The following MYOF variants were observed in gnomAD, a reference collection of about 807,000 sequenced individuals.
The protein encoded by MYOF is myoferlin, also known as fer-1-like 3, myoferlin.
MYOF carries 244 observed loss-of-function variants against 284.2 expected under a neutral mutation model. The observed-to-expected ratio is 0.86, with a 90% CI of 0.77 to 0.95. The LOEUF (loss-of-function observed/expected upper bound fraction) is 0.95, where lower values mean the gene tolerates loss of function less well. Ranked by LOEUF, MYOF falls within the 40% of genes least tolerant of loss-of-function variation. The pLI is 0.00. For missense variants in MYOF, 2,496 were observed against 2,560.6 expected (o/e 0.97, Z 0.54); for synonymous variants, 904 against 919.7 (o/e 0.98, Z 0.31).
rs201492572 is a variant in MYOF, at chr10:93,431,412, G to C, written c.341C>G (p.Thr114Ser). 6 of 1,613,432 alleles carry C rather than the reference G, an allele frequency of 3.7e-6. No homozygotes were observed. The South Asian group carries it at 6.6e-5, about 18-fold the overall frequency. ...AATAAGAGAGAAAACACTCACCCCA[G>C]TATCTTGCCCTTTTTCATTTAGCAG... ...ISLLNEKGQDTGATIDLVIGY... is the reference protein window; with the variant it reads ...ISLLNEKGQDSGATIDLVIGY... Residue 114 changes from threonine to serine, a missense_variant, in exon 4 of 54, where the codon ACT becomes AGT. Physicochemically the swap from Thr to Ser is moderately conservative, Grantham distance 58. This residue lies in a region of MYOF where 2,436 missense variants were observed against 2,480.7 expected (regional missense o/e 0.98). Coordinates refer to ENST00000359263, the MANE Select transcript of MYOF (RefSeq NM_013451.4).
intron 45 of MYOF, 93 bp downstream of exon 45, chr10:93,328,670 G>A: frequency 7.6e-7 from 1 of 1,313,498 alleles, no homozygotes; most frequent in Non-Finnish European, 1.1e-6. Flanking sequence ...TATAATTAGG[G>A]TACTGGCTCT....
intron 53 of MYOF, among the ~76,000 whole-genome samples, chr10:93,308,187 G>A (rs1406313785): frequency 6.6e-6 from 1 of 151,296 alleles, no homozygotes; most frequent in African/African-American, 2.4e-5. Flanking sequence ...AGGTTGCAGT[G>A]AGCCAAGATT....
At chr10:93,457,189 G>T (rs1167866867) in intron 1 of MYOF, among the ~76,000 whole-genome samples, 1 of 152,160 alleles carries the variant, frequency 6.6e-6, no homozygotes, top group Non-Finnish European at 1.5e-5. Flanking sequence ...TCTCACCAAG[G>T]CTACCCAGAG....
At chr10:93,378,691 GTGTATA>G (rs970006072) in intron 21 of MYOF, among the ~76,000 whole-genome samples, 257 of 42,248 alleles carry the variant, frequency 6.1e-3, no homozygotes, top group African/African-American at 0.021. Flanking sequence ...ATGTGTGTGT[GTGTATA>G]TATATATATA....
rs528671294 is a variant in MYOF, at chr10:93,363,015, C to T, written c.2868+946G>A. Among the ~76,000 whole-genome samples, 53 of 152,162 alleles carry T rather than the reference C, an allele frequency of 3.5e-4. 1 individual carries two copies. Among genetic ancestry groups the T allele is most frequent in the Admixed American group, 1.5e-3 (23 of 15,280 alleles). On this transcript the variant is annotated intron_variant, in intron 27 of 53. Coordinates refer to ENST00000359263, the MANE Select transcript of MYOF (RefSeq NM_013451.4). ...CTGTTACATTGCTTATAAAAACCAA[C>T]GACTCAAAACCAAAAGCACCTAAAT...
At chr10:93,480,811 C>A (rs567345198) in intron 1 of MYOF, among the ~76,000 whole-genome samples, 1 of 152,148 alleles carries the variant, frequency 6.6e-6, no homozygotes, top group South Asian at 2.1e-4. Flanking sequence ...CATTTTCTTG[C>A]TCATCCTCAG....
At chr10:93,403,707 A>G (rs1847408952) in intron 9 of MYOF, among the ~76,000 whole-genome samples, 1 of 152,220 alleles carries the variant, frequency 6.6e-6, no homozygotes, top group Non-Finnish European at 1.5e-5. Flanking sequence ...TGGGGCCCCC[A>G]GTAAGTGGAG....
intron 5 of MYOF, among the ~76,000 whole-genome samples, chr10:93,421,851 A>G (rs1021706566): frequency 3.3e-5 from 5 of 152,286 alleles, no homozygotes; most frequent in African/African-American, 1.2e-4. Flanking sequence ...CCTTTATAGC[A>G]ATGCAAACAG....
intron 19 of MYOF, among the ~76,000 whole-genome samples, chr10:93,385,540 A>G (rs1301332738): frequency 6.6e-6 from 1 of 152,202 alleles, no homozygotes; most frequent in Non-Finnish European, 1.5e-5. Context: ...GGTTGACTGC[A>G]TTCGTTAAGT....
intron 51 of MYOF, among the ~76,000 whole-genome samples, chr10:93,311,588 CT>C (rs1187154821): frequency 1.4e-4 from 21 of 147,842 alleles, no homozygotes; most frequent in African/African-American, 4.5e-4. Flanking sequence ...GACTTCATCT[CT>C]AAAAAAAAAA....
At chr10:93,380,678 G>A (rs1270845718) in intron 20 of MYOF, among the ~76,000 whole-genome samples, 6 of 152,020 alleles carry the variant, frequency 3.9e-5, no homozygotes, top group Non-Finnish European at 7.4e-5. Flanking sequence ...TTAAAATCAG[G>A]GACTGTTTCT....
At chr10:93,441,254 A>G (rs2056238777) in intron 3 of MYOF, among the ~76,000 whole-genome samples, 1 of 152,246 alleles carries the variant, frequency 6.6e-6, no homozygotes, top group East Asian at 1.9e-4. Flanking sequence ...AAGCTTAAAG[A>G]CAAGGTATTT....
At chr10:93,340,046 C>T (rs1843822838) in intron 39 of MYOF, 107 bp downstream of exon 39, 35 of 1,281,558 alleles carry the variant, frequency 2.7e-5, no homozygotes, top group Non-Finnish European at 3.7e-5. Flanking sequence ...CGCCACTGCA[C>T]TCCAGCCTGG....
intron 16 of MYOF, among the ~76,000 whole-genome samples, chr10:93,394,780 C>CT (rs141999247): frequency 0.044 from 6,348 of 143,880 alleles, 476 homozygotes; most frequent in African/African-American, 0.15. Context: ...CTTCTGATTG[C>CT]TTTTTTTTTT....
chr10:93,371,247 C>T (rs1023706166), intron 24 of MYOF, among the ~76,000 whole-genome samples: 2 of 152,162 alleles, frequency 1.3e-5, no homozygotes, highest in African/African-American at 2.4e-5. Context: ...GATATGGTTT[C>T]AGATGTCACA....
At chr10:93,442,819 T>C (rs534236717) in intron 3 of MYOF, among the ~76,000 whole-genome samples, 1 of 152,330 alleles carries the variant, frequency 6.6e-6, no homozygotes, top group South Asian at 2.1e-4. Flanking sequence ...ATGTCCCTAC[T>C]AGCATGCTCA....
intron 5 of MYOF, among the ~76,000 whole-genome samples, chr10:93,420,183 T>C (rs2134167770): frequency 6.6e-6 from 1 of 152,338 alleles, no homozygotes; most frequent in African/African-American, 2.4e-5. Flanking sequence ...CAGTGAAGTC[T>C]GGCTATGAAT....
intron 43 of MYOF, among the ~76,000 whole-genome samples, chr10:93,332,367 T>TAC (rs1843352959): frequency 6.6e-6 from 1 of 151,750 alleles, no homozygotes; most frequent in African/African-American, 2.4e-5. Flanking sequence ...GGATTACAGG[T>TAC]ACACACCACC....
rs202041377 is a variant in MYOF at position 93,333,235 on chromosome 10, G to C, written c.4797C>G (p.Asn1599Lys). The C allele has an allele frequency of 1.1e-4, 174 of 1,613,886 alleles. No individual in the cohort carries two copies. Among genetic ancestry groups the C allele is most frequent in the Non-Finnish European group, 1.0e-4 (122 of 1,179,860 alleles). ...ATGTATATTACCTGCCAAAGACTGG[G>C]TTGAGAGTGTTGGGAATGTAGTGAT... ...DRDHYIPNTL[N>K]PVFGRMYELS... The change falls in exon 43 of 54, where the codon AAC (asparagine) becomes AAG (lysine). Residue 1599 changes from asparagine to lysine, a missense_variant. Physicochemically the swap from Asn to Lys is moderately conservative, Grantham distance 94. Transcript: ENST00000359263.
Sources: gnomAD v4.1 joint callset for allele counts (sites outside exome capture counted in the v4.1 genomes callset) on GRCh38, gnomAD v4.1.1 for gene constraint, gnomAD v4.1.1 regional missense constraint, MANE v1.5 for transcripts, NCBI Gene and HGNC (gene_info 2026-07-23, HGNC 2026-07-21) for gene names.